Variants in SNTG2 observed in about 807,000 individuals in gnomAD.
SNTG2 encodes the protein syntrophin gamma 2.
SNTG2 carries 74 observed loss-of-function variants against 70.9 expected under a neutral mutation model. The ratio of observed to expected loss-of-function variants is 1.04; its 90% CI spans 0.86 to 1.27. SNTG2 has a LOEUF of 1.27. Ranked by LOEUF, SNTG2 falls within the 50% of genes most tolerant of loss-of-function variation. SNTG2 has a pLI of 0.00. For synonymous variants in SNTG2, 278 were observed against 273.8 expected (o/e 1.02, Z -0.15); for missense variants, 717 against 690.7 (o/e 1.04, Z -0.43).
chr2:1,057,456 G>A (rs543421484), intron 1 of SNTG2, among the ~76,000 whole-genome samples: 3 of 152,250 alleles, frequency 2.0e-5, no homozygotes, highest in South Asian at 4.2e-4. Context: ...AAGCTGAGGA[G>A]CAAGGAAGCC....
intron 8 of SNTG2, among the ~76,000 whole-genome samples, chr2:1,185,229 G>T (rs1012316416): frequency 2.6e-5 from 4 of 152,210 alleles, no homozygotes; most frequent in African/African-American, 9.6e-5. Context: ...CCCCACTGCT[G>T]TGGCTCTCAA....
At chr2:962,627 T>C (rs1301323002) in intron 1 of SNTG2, among the ~76,000 whole-genome samples, 2 of 152,248 alleles carry the variant, frequency 1.3e-5, no homozygotes, top group African/African-American at 4.8e-5. Flanking sequence ...TGCCTGTCTT[T>C]GAATAAGTAG....
At chr2:1,325,642 A>G (rs1681727581) in intron 16 of SNTG2, among the ~76,000 whole-genome samples, 4 of 152,226 alleles carry the variant, frequency 2.6e-5, no homozygotes, top group Admixed American at 2.6e-4. Flanking sequence ...TTTGTTAATA[A>G]GATTCAAAGC....
intron 13 of SNTG2, among the ~76,000 whole-genome samples, chr2:1,266,249 C>T (rs1223899451): frequency 6.6e-6 from 1 of 152,114 alleles, no homozygotes; most frequent in Non-Finnish European, 1.5e-5. Context: ...CCATGCACCT[C>T]CATGCTGTTG....
chr2:1,283,947 A>G (rs1572919642), intron 14 of SNTG2, among the ~76,000 whole-genome samples: 1 of 152,082 alleles, frequency 6.6e-6, no homozygotes, highest in South Asian at 2.1e-4. Context: ...TGTGGCTGGG[A>G]ATTATGTTTG....
At chr2:1,018,601 A>G (rs1403549149) in intron 1 of SNTG2, among the ~76,000 whole-genome samples, 8 of 152,140 alleles carry the variant, frequency 5.3e-5, no homozygotes, top group Admixed American at 5.2e-4. Flanking sequence ...TTGGAAAAGG[A>G]GGAAGGAGCA....
At chr2:1,264,255 A>G (rs1678605076) in intron 13 of SNTG2, among the ~76,000 whole-genome samples, 1 of 152,232 alleles carries the variant, frequency 6.6e-6, no homozygotes, top group South Asian at 2.1e-4. Flanking sequence ...AGACAAAGGT[A>G]AAGATGCAGC....
intron 12 of SNTG2, among the ~76,000 whole-genome samples, chr2:1,257,863 T>G (rs1678211252): frequency 6.6e-6 from 1 of 152,188 alleles, no homozygotes; most frequent in African/African-American, 2.4e-5. Flanking sequence ...TAACTATATT[T>G]TGAAAAGTGT....
chr2:1,353,108 C>A lies in SNTG2; in HGVS notation c.1489-14235C>A. On this transcript the variant is annotated intron_variant, in intron 16 of 16. Coordinates refer to ENST00000308624, the MANE Select transcript of SNTG2 (RefSeq NM_018968.4). This position sits in a 1 kb window ranked among gnomAD's most constrained non-coding sequence, Gnocchi z 4.2. ...GTGCATTTTCGGAAAACTTTCCAGC[C>A]ATTATGCAAAACCACTGGGAGCTTG... Among the ~76,000 whole-genome samples the A allele has an allele frequency of 6.6e-6, 1 of 152,118 alleles. No homozygotes were observed. Among genetic ancestry groups the A allele is most frequent in the East Asian group, 1.9e-4 (1 of 5,178 alleles).
chr2:1,301,963 A>C (rs992823617), intron 14 of SNTG2, among the ~76,000 whole-genome samples: 1 of 150,008 alleles, frequency 6.7e-6, no homozygotes, highest in African/African-American at 2.4e-5. Flanking sequence ...GAGTTTTCTT[A>C]CTTTTTTTTT....
intron 9 of SNTG2, among the ~76,000 whole-genome samples, chr2:1,211,910 T>A (rs1674073261): frequency 6.6e-6 from 1 of 152,184 alleles, no homozygotes; most frequent in African/African-American, 2.4e-5. Flanking sequence ...GAAACACATG[T>A]GTTATTCTTG....
rs140683944 is a variant in SNTG2 at position 1,258,429 on chromosome 2, A to G, written c.1006-941A>G. ...TTTTATTGCCAAAATCACAATTGCA[A>G]TGAGCTGACTCTAGGGCAATAAAAT... is the stretch of plus-strand genomic sequence containing the variant. On this transcript the variant is annotated intron_variant, in intron 12 of 16. Coordinates refer to ENST00000308624, the MANE Select transcript of SNTG2 (RefSeq NM_018968.4). Among the ~76,000 whole-genome samples, 133 of 152,336 alleles carry G rather than the reference A, an allele frequency of 8.7e-4. 1 individual carries two copies. Among genetic ancestry groups the G allele is most frequent in the African/African-American group, 2.9e-3 (122 of 41,594 alleles).
At chr2:1,001,563 G>T (rs1397356919) in intron 1 of SNTG2, among the ~76,000 whole-genome samples, 1 of 151,786 alleles carries the variant, frequency 6.6e-6, no homozygotes, top group Admixed American at 6.6e-5. Flanking sequence ...AACCAAGGAG[G>T]TAAAAGAATT....
At chr2:1,283,277 C>T (rs1222768011) in intron 14 of SNTG2, among the ~76,000 whole-genome samples, 1 of 152,136 alleles carries the variant, frequency 6.6e-6, no homozygotes, top group Non-Finnish European at 1.5e-5. Context: ...TTGGCCTGAC[C>T]CCTGCTGGGC....
chr2:1,358,970 T>C (rs1165365784), intron 16 of SNTG2, among the ~76,000 whole-genome samples: 2 of 152,198 alleles, frequency 1.3e-5, no homozygotes, highest in East Asian at 3.9e-4. Flanking sequence ...TGTCTACTTC[T>C]ACCTTCAGTT....
chr2:1,230,167 G>C (rs1353042547), intron 9 of SNTG2, among the ~76,000 whole-genome samples: 1 of 152,236 alleles, frequency 6.6e-6, no homozygotes, highest in African/African-American at 2.4e-5. Context: ...TCACTACCAG[G>C]ATACAGCATT....
chr2:1,194,939 C>T (rs1190039477), intron 8 of SNTG2, among the ~76,000 whole-genome samples: 1 of 152,150 alleles, frequency 6.6e-6, no homozygotes, highest in Non-Finnish European at 1.5e-5. Context: ...CATGTGTTCT[C>T]ATTGTTCAAC....
intron 9 of SNTG2, among the ~76,000 whole-genome samples, chr2:1,224,700 G>A (rs950187511): frequency 2.6e-5 from 4 of 152,216 alleles, no homozygotes; most frequent in African/African-American, 7.2e-5. Context: ...CTATCCTCCT[G>A]GCTGAATGGT....
chr2:1,265,150 A>G (rs1678653588), intron 13 of SNTG2, among the ~76,000 whole-genome samples: 1 of 152,216 alleles, frequency 6.6e-6, no homozygotes. Flanking sequence ...ATTTAAGTTC[A>G]GTGGATAAAG....
Sources: gnomAD v4.1 joint callset for allele counts (sites outside exome capture counted in the v4.1 genomes callset) on GRCh38, gnomAD v4.1.1 for gene constraint, Gnocchi (gnomAD v3.1) non-coding constraint, MANE v1.5 for transcripts, NCBI Gene and HGNC (gene_info 2026-07-23, HGNC 2026-07-21) for gene names.